PRKCA: variants seen among roughly 807,000 people sequenced by gnomAD.
PRKCA encodes the protein protein kinase C alpha.
Under a neutral mutation model 87.0 loss-of-function variants are expected in PRKCA, and 27 were observed. That is an observed-to-expected ratio of 0.31 (90% CI 0.23 to 0.43). PRKCA has a LOEUF of 0.43. Among genes scored for constraint, PRKCA ranks in the 20% least tolerant of loss-of-function variants. PRKCA has a pLI of 1.00. For synonymous variants in PRKCA, 329 were observed against 311.1 expected (o/e 1.06, Z -0.61); for missense variants, 518 against 852.3 (o/e 0.61, Z 4.88).
At chr17:66,414,044 C>T (rs528678146) in intron 2 of PRKCA, among the ~76,000 whole-genome samples, 26 of 151,048 alleles carry the variant, frequency 1.7e-4, no homozygotes, top group East Asian at 7.8e-4. Flanking sequence ...AATATGAGAA[C>T]GAAAGATGCA....
chr17:66,398,904 G>A (rs967468996), intron 2 of PRKCA, among the ~76,000 whole-genome samples: 3 of 152,058 alleles, frequency 2.0e-5, no homozygotes, highest in Admixed American at 2.0e-4. Context: ...TTTAAAAATC[G>A]AACTTCTCGT....
chr17:66,464,633 T>C (rs1915004793), intron 2 of PRKCA, among the ~76,000 whole-genome samples: 1 of 152,244 alleles, frequency 6.6e-6, no homozygotes, highest in African/African-American at 2.4e-5. Flanking sequence ...ATATTGAGCA[T>C]CTTTTCACAT....
intron 2 of PRKCA, among the ~76,000 whole-genome samples, chr17:66,451,473 A>T (rs1914316832): frequency 6.6e-6 from 1 of 152,118 alleles, no homozygotes. Context: ...CCATATATGA[A>T]TGAAATTTTG....
intron 2 of PRKCA, among the ~76,000 whole-genome samples, chr17:66,461,110 G>A (rs1245441460): frequency 6.6e-6 from 1 of 151,262 alleles, no homozygotes; most frequent in Admixed American, 6.6e-5. Flanking sequence ...GGGGAATGAG[G>A]CAGGAGAATT....
At chr17:66,532,181 A>T (rs1191866798) in intron 3 of PRKCA, among the ~76,000 whole-genome samples, 1 of 151,136 alleles carries the variant, frequency 6.6e-6, no homozygotes, top group Non-Finnish European at 1.5e-5. Flanking sequence ...AACAACCTTG[A>T]GTCCCTTGAG....
intron 3 of PRKCA, among the ~76,000 whole-genome samples, chr17:66,561,474 A>G (rs981212873): frequency 3.9e-5 from 6 of 152,156 alleles, no homozygotes; most frequent in Non-Finnish European, 7.4e-5. Context: ...TTTTGGCTTT[A>G]TGTTGTCATT....
chr17:66,551,480 C>T (rs1270898902), intron 3 of PRKCA, among the ~76,000 whole-genome samples: 1 of 152,254 alleles, frequency 6.6e-6, no homozygotes, highest in Non-Finnish European at 1.5e-5. Flanking sequence ...TGATTCTCGC[C>T]ATAGGGCAGC....
chr17:66,797,693 C>A lies in PRKCA; in HGVS notation c.1855-6180C>A, dbSNP rs140057011. On this transcript the variant is annotated intron_variant, in intron 16 of 16. Coordinates refer to ENST00000413366, the MANE Select transcript of PRKCA (RefSeq NM_002737.3). ...TGGGGCTCTTGATCTCTGGCCACATCCTTCTCCCCTCTGTGTCCCCACTTT... is the reference window on the plus strand; with the variant it reads ...TGGGGCTCTTGATCTCTGGCCACATACTTCTCCCCTCTGTGTCCCCACTTT... 8.8e-3 allele frequency among the ~76,000 whole-genome samples: 1,336 copies of A among 152,310 alleles called. 17 individuals carry two copies. Among genetic ancestry groups the A allele is most frequent in the Middle Eastern group, 0.017 (5 of 294 alleles).
At chr17:66,491,932 C>T (rs1156390905) in intron 2 of PRKCA, among the ~76,000 whole-genome samples, 2 of 152,234 alleles carry the variant, frequency 1.3e-5, no homozygotes, top group African/African-American at 2.4e-5. Context: ...GGCCAACCTC[C>T]AAGCTCCTCT....
chr17:66,349,935 C>T (rs1214584950), intron 2 of PRKCA, among the ~76,000 whole-genome samples: 2 of 151,558 alleles, frequency 1.3e-5, no homozygotes, highest in African/African-American at 4.9e-5. Context: ...TATCACATGG[C>T]GTTATCAGGT....
intron 2 of PRKCA, among the ~76,000 whole-genome samples, chr17:66,441,109 C>T (rs866498083): frequency 6.7e-6 from 1 of 150,332 alleles, no homozygotes; most frequent in East Asian, 1.9e-4. Flanking sequence ...TTGCATTGAG[C>T]CCAGATCGCG....
chr17:66,675,144 A>G (rs2143968542), intron 5 of PRKCA, among the ~76,000 whole-genome samples: 1 of 152,316 alleles, frequency 6.6e-6, no homozygotes, highest in South Asian at 2.1e-4. Context: ...TACTTCTCAC[A>G]GTTATGGAGG....
intron 5 of PRKCA, among the ~76,000 whole-genome samples, chr17:66,655,994 G>A (rs16959868): frequency 0.051 from 7,804 of 152,190 alleles, 680 homozygotes; most frequent in African/African-American, 0.18. Context: ...CTTAATGTCA[G>A]ATATGTACAG....
chr17:66,563,922 C>A (rs534384057), intron 3 of PRKCA, among the ~76,000 whole-genome samples: 2 of 152,184 alleles, frequency 1.3e-5, no homozygotes, highest in East Asian at 3.9e-4. Context: ...TTATATAAAA[C>A]ATTTAAAAAT....
intron 2 of PRKCA, among the ~76,000 whole-genome samples, chr17:66,462,671 C>G (rs1375803479): frequency 1.3e-5 from 2 of 152,060 alleles, no homozygotes; most frequent in Non-Finnish European, 2.9e-5. Context: ...ATAGGTCTTC[C>G]CCACCAATGG....
chr17:66,618,353 C>CAA lies in PRKCA; in HGVS notation c.289-22987_289-22986dup, dbSNP rs34535549. On this transcript the variant is annotated intron_variant, in intron 3 of 16. Transcript: ENST00000413366. ...CTGGCCAATGAGTGAAACCCTATCG[C>CAA]AAAAAAAAAAAAAAAAGAACATAGT... is the stretch of plus-strand genomic sequence containing the variant. 6.7e-3 allele frequency among the ~76,000 whole-genome samples: 894 copies of CAA among 134,220 alleles called. 23 individuals are homozygous for CAA. The highest frequency in any genetic ancestry group is 0.054 in the Admixed American group (721 of 13,380). The allele number at this position is 134,220 out of a possible 152,430, so 88.1% of individuals were successfully genotyped here. A position where few individuals can be genotyped will look rare whatever the true frequency, so the allele number is the denominator to read the frequency against.
intron 2 of PRKCA, among the ~76,000 whole-genome samples, chr17:66,374,752 C>T (rs72846686): frequency 7.6e-5 from 10 of 131,664 alleles, no homozygotes; most frequent in African/African-American, 1.2e-4. Flanking sequence ...TTCTGAGACA[C>T]GGTCTTGCTC....
chr17:66,389,686 G>A lies in PRKCA; in HGVS notation c.205+83559G>A, dbSNP rs147722088. Among the ~76,000 whole-genome samples, 121 of 152,316 alleles carry A rather than the reference G, an allele frequency of 7.9e-4. No homozygotes were observed. The East Asian group carries it at 0.017, about 22-fold the overall frequency. On this transcript the variant is annotated intron_variant, in intron 2 of 16. Coordinates refer to ENST00000413366, the MANE Select transcript of PRKCA (RefSeq NM_002737.3). ...GGTGCTCTGGTGCTGTTTGAAACAT[G>A]CGACTGGTTCTTTTAGAGATTGGCT... is the stretch of plus-strand genomic sequence containing the variant.
intron 2 of PRKCA, among the ~76,000 whole-genome samples, chr17:66,472,177 G>A (rs1283572459): frequency 1.3e-5 from 2 of 152,168 alleles, no homozygotes; most frequent in Non-Finnish European, 2.9e-5. Context: ...TTGCCCAGGA[G>A]TGGTCCTCTG....
Sources: gnomAD v4.1 joint callset for allele counts (sites outside exome capture counted in the v4.1 genomes callset) on GRCh38, gnomAD v4.1.1 for gene constraint, MANE v1.5 for transcripts, NCBI Gene and HGNC (gene_info 2026-07-23, HGNC 2026-07-21) for gene names.